Variants in C3orf20 observed in about 807,000 individuals in gnomAD.
C3orf20 encodes uncharacterized protein C3orf20.
Under a neutral mutation model 88.3 loss-of-function variants are expected in C3orf20, and 76 were observed. The ratio of observed to expected loss-of-function variants is 0.86; its 90% CI spans 0.72 to 1.04. C3orf20 has a LOEUF of 1.04. Ranked by LOEUF, C3orf20 falls within the 50% of genes least tolerant of loss-of-function variation. The pLI is 0.00. For synonymous variants in C3orf20, 436 were observed against 437.4 expected (o/e 1.00, Z 0.04); for missense variants, 1,056 against 1,123.3 (o/e 0.94, Z 0.86).
At chr3:14,715,220 A>G in intron 8 of C3orf20, 69 bp from the exon 9 acceptor site, 1 of 1,570,860 alleles carries the variant, frequency 6.4e-7, no homozygotes, top group Non-Finnish European at 8.6e-7. Flanking sequence ...CTGTCTGCCC[A>G]TAACCTGCGG....
chr3:14,721,857 A>C, intron 10 of C3orf20, 73 bp downstream of exon 10: 4 of 1,582,980 alleles, frequency 2.5e-6, no homozygotes, highest in Non-Finnish European at 2.6e-6. Context: ...TTCATATCTC[A>C]GGGCCTTTGC....
At position 14,704,373 on chromosome 3, in the gene C3orf20, C is replaced by T. The variant is rs746336927; in HGVS notation, c.915C>T (p.Ile305=). Residue 305 remains isoleucine, a synonymous_variant, in exon 7 of 17, where the codon ATC becomes ATT. Transcript: ENST00000253697. Reference sequence around the variant, plus strand: ...GGGCCACATGGAAAGGGAGGAATATCTCCTACCCCATGATCTTACGAAACT... The same window carrying T: ...GGGCCACATGGAAAGGGAGGAATATTTCCTACCCCATGATCTTACGAAACT... ...AERATWKGRN[I]SYPMILRNYK... is the part of the protein sequence containing the mutation. 6.2e-7 allele frequency: 1 copy of T among 1,614,122 alleles called. No individual in the cohort carries two copies.
intron 12 of C3orf20, among the ~76,000 whole-genome samples, chr3:14,734,187 T>A (rs1057501890): frequency 3.3e-5 from 5 of 152,132 alleles, no homozygotes; most frequent in Admixed American, 3.3e-4. Flanking sequence ...TACGTTTGTC[T>A]TATTACTTTA....
rs756680044 is a variant in C3orf20, at chr3:14,759,943, A to G, written c.2297A>G (p.Gln766Arg). The G allele has an allele frequency of 1.9e-6, 3 of 1,614,156 alleles. No homozygotes were observed. Among genetic ancestry groups the G allele is most frequent in the Middle Eastern group, 1.6e-4 (1 of 6,062 alleles). ...CAGTATGACCTGGACAGCCCCCTGC[A>G]GGAGGACCCTCCCCTGATGGTGAAG... The part of the protein sequence containing the change: ...LLQYDLDSPL[Q>R]EDPPLMVKKN... The change falls in exon 14 of 17, where the codon CAG (glutamine) becomes CGG (arginine). Residue 766 changes from glutamine to arginine, a missense_variant. Gln to Arg is a conservative substitution (Grantham distance 43). Transcript: ENST00000253697.
At chr3:14,750,171 A>T (rs759092314) in intron 12 of C3orf20, among the ~76,000 whole-genome samples, 2 of 152,184 alleles carry the variant, frequency 1.3e-5, no homozygotes, top group African/African-American at 2.4e-5. Flanking sequence ...CAGGCCTACC[A>T]GGAACAAACT....
chr3:14,732,215 G>A (rs946604562), intron 12 of C3orf20, among the ~76,000 whole-genome samples: 1 of 152,190 alleles, frequency 6.6e-6, no homozygotes, highest in African/African-American at 2.4e-5. Context: ...TCCCATTATC[G>A]TTTTAATTTG....
At chr3:14,681,225 G>C (rs571276136) in intron 1 of C3orf20, among the ~76,000 whole-genome samples, 1 of 152,216 alleles carries the variant, frequency 6.6e-6, no homozygotes, top group African/African-American at 2.4e-5. Flanking sequence ...GTGGGCACAC[G>C]AGCTCGTGGC....
chr3:14,680,821 T>G (rs2032048043), intron 1 of C3orf20, among the ~76,000 whole-genome samples: 1 of 152,256 alleles, frequency 6.6e-6, no homozygotes, highest in Non-Finnish European at 1.5e-5. Context: ...AAAAAAAATC[T>G]GCCCTGCACA....
At chr3:14,699,296 C>T (rs2033147145) in intron 5 of C3orf20, among the ~76,000 whole-genome samples, 1 of 152,210 alleles carries the variant, frequency 6.6e-6, no homozygotes, top group Non-Finnish European at 1.5e-5. Context: ...CTTTACTTTT[C>T]CCTCTGCTTT....
At position 14,727,109 on chromosome 3, in the gene C3orf20, C is replaced by T. The variant is rs2034377958; in HGVS notation, c.1690+85C>T. ...TGGCAGGTCATCTCAAGGGACAGAC[C>T]TTTACTTTACCGCCCATTCCATCTT... is the stretch of plus-strand genomic sequence containing the variant. On this transcript the variant is annotated intron_variant, in intron 11 of 16. Coordinates refer to ENST00000253697, the MANE Select transcript of C3orf20 (RefSeq NM_032137.5). 3.5e-6 allele frequency: 5 copies of T among 1,425,340 alleles called. No individual in the cohort carries two copies. The South Asian group carries it at 6.0e-5, about 17-fold the overall frequency. The allele number at this position is 1,425,340 out of a possible 1,614,324, so 88.3% of individuals were successfully genotyped here.
chr3:14,759,109 T>C (rs1469188149), intron 13 of C3orf20, among the ~76,000 whole-genome samples: 1 of 152,122 alleles, frequency 6.6e-6, no homozygotes, highest in Non-Finnish European at 1.5e-5. Flanking sequence ...TTGAAGTTCA[T>C]AAAGGAGTGG....
intron 4 of C3orf20, among the ~76,000 whole-genome samples, chr3:14,688,547 GAAAA>G (rs900381173): frequency 8.6e-6 from 1 of 115,996 alleles, no homozygotes; most frequent in South Asian, 2.8e-4. Flanking sequence ...AAAAAAAAAA[GAAAA>G]AAAAGAAAAG....
chr3:14,696,550 C>G (rs1045178451), intron 5 of C3orf20, among the ~76,000 whole-genome samples: 2 of 151,882 alleles, frequency 1.3e-5, no homozygotes, highest in African/African-American at 4.8e-5. Flanking sequence ...GCCACCACAC[C>G]CAGCTAATTT....
rs1235948316 is a variant in C3orf20, at chr3:14,768,070, A to C, written c.2496-3997A>C. On this transcript the variant is annotated intron_variant, in intron 15 of 16. Transcript: ENST00000253697. This position sits in a 1 kb window ranked among gnomAD's most constrained non-coding sequence, Gnocchi z 4.1. ...TCCTGTAACATGCTATCCAGATGGG[A>C]GGGGAAGCTCTTTACAGCTGCGCCA... Among the ~76,000 whole-genome samples the C allele has an allele frequency of 6.6e-6, 1 of 152,182 alleles. No individual in the cohort carries two copies. The highest frequency in any genetic ancestry group is 3.2e-3 in the Middle Eastern group (1 of 316).
chr3:14,744,011 A>C (rs868078517), intron 12 of C3orf20, among the ~76,000 whole-genome samples: 1 of 152,058 alleles, frequency 6.6e-6, no homozygotes, highest in Non-Finnish European at 1.5e-5. Context: ...GGAAATTAAC[A>C]TTAGGCTCCT....
At chr3:14,685,971 C>T (rs1326012435) in intron 4 of C3orf20, among the ~76,000 whole-genome samples, 1 of 149,862 alleles carries the variant, frequency 6.7e-6, no homozygotes, top group Non-Finnish European at 1.5e-5. Flanking sequence ...ACGCCATTCT[C>T]CTGCCTCAGC....
At chr3:14,699,750 G>A (rs895647195) in intron 5 of C3orf20, among the ~76,000 whole-genome samples, 7 of 152,216 alleles carry the variant, frequency 4.6e-5, no homozygotes, top group Admixed American at 4.6e-4. Flanking sequence ...CACTCCCTTA[G>A]CTGCCCCAGC....
chr3:14,760,871 G>A (rs1257884122), intron 14 of C3orf20, among the ~76,000 whole-genome samples: 1 of 152,010 alleles, frequency 6.6e-6, no homozygotes, highest in Non-Finnish European at 1.5e-5. Context: ...ACCTCCCAAA[G>A]TGAAGAGTCT....
At chr3:14,684,138 G>GGGTATT in intron 3 of C3orf20, 104 bp from the exon 4 acceptor site, 1 of 1,476,388 alleles carries the variant, frequency 6.8e-7, no homozygotes. Flanking sequence ...TAGGAATAGC[G>GGGTATT]CTCTACTCTA....
Sources: gnomAD v4.1 joint callset for allele counts (sites outside exome capture counted in the v4.1 genomes callset) on GRCh38, gnomAD v4.1.1 for gene constraint, Gnocchi (gnomAD v3.1) non-coding constraint, MANE v1.5 for transcripts, NCBI Gene and HGNC (gene_info 2026-07-23, HGNC 2026-07-21) for gene names.